EPGN: variants seen among roughly 807,000 people sequenced by gnomAD.
The protein encoded by EPGN is epigen.
In EPGN, 21 loss-of-function variants were observed where a neutral mutation model predicts 20.7. That is an observed-to-expected ratio of 1.01 (90% confidence interval 0.72 to 1.46). EPGN has a LOEUF of 1.46. EPGN is among the 40% of genes most tolerant of loss of function. The probability of loss-of-function intolerance (pLI) is 0.00; values close to 1 mark genes in which losing one functional copy is unlikely to be tolerated. For missense variants in EPGN, 199 were observed against 180.7 expected (o/e 1.10, Z -0.58); for synonymous variants, 69 against 63.8 (o/e 1.08, Z -0.39).
chr4:74,313,856 C>T (rs1173847842), intron 4 of EPGN, among the ~76,000 whole-genome samples: 1 of 152,152 alleles, frequency 6.6e-6, no homozygotes, highest in Non-Finnish European at 1.5e-5. Flanking sequence ...AATAAGTTGT[C>T]ATTTCTAAAT....
Position 74,313,006 on chromosome 4 carries a change from C to T in EPGN, c.255-12C>T. The T allele has an allele frequency of 8.3e-6, 13 of 1,566,528 alleles. No homozygotes were observed. The highest frequency in any genetic ancestry group is 2.3e-5 in the East Asian group (1 of 43,310). ...TAGGTTTTAAAATTAAACTTTTTTT[C>T]TTTTTTTAAAGGTGTTTTACTGGTT... is the stretch of plus-strand genomic sequence containing the variant. On this transcript the variant is annotated splice_polypyrimidine_tract_variant and intron_variant, in intron 3 of 4. Coordinates refer to ENST00000413830, the MANE Select transcript of EPGN (RefSeq NM_001270989.2).
At position 74,313,014 on chromosome 4, in the gene EPGN, A is replaced by T; in HGVS notation, c.255-4A>T. On this transcript the variant is annotated splice_polypyrimidine_tract_variant and splice_region_variant and intron_variant, in intron 3 of 4. Transcript: ENST00000413830. ...AAAATTAAACTTTTTTTCTTTTTTT[A>T]AAGGTGTTTTACTGGTTATACTGGA... The T allele has an allele frequency of 6.3e-7, 1 of 1,576,956 alleles. No homozygotes were observed.
intron 3 of EPGN, 24 bp from the exon 4 acceptor site, chr4:74,312,994 T>G: frequency 6.4e-7 from 1 of 1,562,796 alleles, no homozygotes; most frequent in Non-Finnish European, 8.6e-7. Context: ...GTTTTAAAAT[T>G]AAACTTTTTT....
At chr4:74,308,678 C>A in intron 1 of EPGN, 102 bp downstream of exon 1, 1 of 934,850 alleles carries the variant, frequency 1.1e-6, no homozygotes, top group South Asian at 1.8e-5. Flanking sequence ...AACAGTTGTT[C>A]TTTATGACAA....
chr4:74,314,374 C>A, intron 4 of EPGN: 1 of 600,870 alleles, frequency 1.7e-6, no homozygotes, highest in Admixed American at 2.9e-5. Flanking sequence ...TGGCAGGGCA[C>A]TCAGTTGGCT....
chr4:74,311,849 T>C (rs1015835727), intron 2 of EPGN, among the ~76,000 whole-genome samples: 4 of 152,210 alleles, frequency 2.6e-5, no homozygotes, highest in Non-Finnish European at 5.9e-5. Flanking sequence ...GACACAAGTC[T>C]GGGAAGCATC....
rs961879695 is a variant in EPGN at position 74,311,859 on chromosome 4, C to T, written c.134-326C>T. Reference sequence around the variant, plus strand: ...ATTCAGACACAAGTCTGGGAAGCATCGCTCAAAATAACCTGCTAAGACTAG... The same window carrying T: ...ATTCAGACACAAGTCTGGGAAGCATTGCTCAAAATAACCTGCTAAGACTAG... On this transcript the variant is annotated intron_variant, in intron 2 of 4. Transcript: ENST00000413830. Among the ~76,000 whole-genome samples, 10 of 152,190 alleles carry T rather than the reference C, an allele frequency of 6.6e-5. No homozygotes were observed. The East Asian group carries it at 9.6e-4, about 15-fold the overall frequency.
In EPGN at chr4:74,316,078, C is replaced by T. The variant is rs536271661; in HGVS notation, c.*1441C>T. On this transcript the variant is annotated 3_prime_UTR_variant, in exon 5 of 5. Coordinates refer to ENST00000413830, the MANE Select transcript of EPGN (RefSeq NM_001270989.2). ...TTCATCTTCTACAAGGCCCTCTTAGCTCTAAAACTTGACAGTGGAATAAGG... is the reference window on the plus strand; with the variant it reads ...TTCATCTTCTACAAGGCCCTCTTAGTTCTAAAACTTGACAGTGGAATAAGG... Among the ~76,000 whole-genome samples the T allele has an allele frequency of 6.6e-6, 1 of 152,156 alleles. No individual in the cohort carries two copies. Among genetic ancestry groups the T allele is most frequent in the African/African-American group, 2.4e-5 (1 of 41,510 alleles).
rs1156996703 is a variant in EPGN, at chr4:74,314,803, CT to C, written c.*169del. On this transcript the variant is annotated 3_prime_UTR_variant, in exon 5 of 5. Transcript: ENST00000413830. ...ATAAAATTCAGCGTTGGCCTTTAGACTTTGCCATCCTTAAGGAGTGATGGAA... is the reference window on the plus strand; with the variant it reads ...ATAAAATTCAGCGTTGGCCTTTAGACTTGCCATCCTTAAGGAGTGATGGAA... 5.2e-5 allele frequency: 34 copies of C among 658,252 alleles called. 1 individual carries two copies. The highest frequency in any genetic ancestry group is 2.6e-6 in the Non-Finnish European group (1 of 391,652). 40.8% of individuals were successfully genotyped at this position (658,252 alleles called of 1,614,324 possible).
At chr4:74,313,482 G>A (rs1751102263) in intron 4 of EPGN, 1 of 1,211,054 alleles carries the variant, frequency 8.3e-7, no homozygotes, top group East Asian at 3.6e-5. Flanking sequence ...GACTAAGTAT[G>A]TCTTGTTCAA....
rs200784402 is a variant in EPGN at position 74,315,952 on chromosome 4, C to CAA, written c.*1331_*1332dup. 0.015 allele frequency among the ~76,000 whole-genome samples: 1,638 copies of CAA among 111,440 alleles called. 30 individuals carry two copies. The highest frequency in any genetic ancestry group is 0.047 in the African/African-American group (1,551 of 33,292). The allele number at this position is 111,440 out of a possible 152,430, so 73.1% of individuals were successfully genotyped here. Reference sequence around the variant, plus strand: ...GGGTGACAAGAGCGAAACTCCATCTCAAAAAAAAAAAAAAAAATCAGTATC... The same window carrying CAA: ...GGGTGACAAGAGCGAAACTCCATCTCAAAAAAAAAAAAAAAAAAATCAGTATC... On this transcript the variant is annotated 3_prime_UTR_variant, in exon 5 of 5. Coordinates refer to ENST00000413830, the MANE Select transcript of EPGN (RefSeq NM_001270989.2).
rs558933551 is a variant in EPGN at position 74,313,388 on chromosome 4, A to G, written c.407+218A>G. Reference sequence around the variant, plus strand: ...CCTTCAGTTGTAATAGGAGAGTTCAAACGTACAGTCTCCCTTCAACCTATC... The same window carrying G: ...CCTTCAGTTGTAATAGGAGAGTTCAGACGTACAGTCTCCCTTCAACCTATC... On this transcript the variant is annotated intron_variant, in intron 4 of 4. Coordinates refer to ENST00000413830, the MANE Select transcript of EPGN (RefSeq NM_001270989.2). 27 of 1,381,790 alleles carry G rather than the reference A, an allele frequency of 2.0e-5. No individual in the cohort carries two copies. In the Admixed American group the frequency reaches 7.4e-4, roughly 38 times the overall value. The allele number at this position is 1,381,790 out of a possible 1,614,324, so 85.6% of individuals were successfully genotyped here.
intron 3 of EPGN, 144 bp downstream of exon 3, chr4:74,312,449 T>G: frequency 1.2e-6 from 1 of 854,774 alleles, no homozygotes. Flanking sequence ...CTCTACATAT[T>G]TGAATATCTA....
intron 3 of EPGN, 150 bp downstream of exon 3, chr4:74,312,455 A>G (rs1351339879): frequency 2.5e-6 from 2 of 791,970 alleles, no homozygotes; most frequent in Non-Finnish European, 3.7e-6. Context: ...ATATTTGAAT[A>G]TCTAAGGAGT....
At chr4:74,309,367 T>C (rs1369976269) in intron 2 of EPGN, among the ~76,000 whole-genome samples, 185 bp downstream of exon 2, 1 of 152,226 alleles carries the variant, frequency 6.6e-6, no homozygotes, top group Non-Finnish European at 1.5e-5. Context: ...ATTGCCTTTT[T>C]AAAAGGAGGA....
Position 74,314,666 on chromosome 4 carries a change from A to G in EPGN, c.*29A>G. The stretch of plus-strand genomic sequence containing the variant: ...CTTTGTGAAGAATTTTCATCAAGGC[A>G]TCTGTAGAGATCAGTGAGCCCAAAA... On this transcript the variant is annotated 3_prime_UTR_variant, in exon 5 of 5. Coordinates refer to ENST00000413830, the MANE Select transcript of EPGN (RefSeq NM_001270989.2). 1 of 1,530,464 alleles carries G rather than the reference A, an allele frequency of 6.5e-7. No individual in the cohort carries two copies. The highest frequency in any genetic ancestry group is 1.2e-5 in the South Asian group (1 of 83,512). The allele number at this position is 1,530,464 out of a possible 1,614,324, so 94.8% of individuals were successfully genotyped here. A position where few individuals can be genotyped will look rare whatever the true frequency, so the allele number is the denominator to read the frequency against.
intron 3 of EPGN, 93 bp downstream of exon 3, chr4:74,312,398 T>C (rs1490212093): frequency 5.6e-6 from 8 of 1,423,108 alleles, no homozygotes; most frequent in Non-Finnish European, 6.5e-6. Context: ...TTTCTCTCTT[T>C]AGTTTAAAAG....
chr4:74,314,131 GA>G (rs1407962522), intron 4 of EPGN: 1 of 456,890 alleles, frequency 2.2e-6, no homozygotes, highest in Non-Finnish European at 4.4e-6. Flanking sequence ...TATTTTAGGT[GA>G]AACCTGTAAT....
chr4:74,312,520 C>T lies in EPGN; in HGVS notation c.254+215C>T, dbSNP rs561600168. Among the ~76,000 whole-genome samples the T allele has an allele frequency of 2.4e-4, 37 of 152,248 alleles. No homozygotes were observed. The South Asian group carries it at 7.5e-3, about 31-fold the overall frequency. ...ATTAAAAACATGGTTCCCAGATTAG[C>T]AGCATCTCTTGAACCTGGGTGCTTG... is the stretch of plus-strand genomic sequence containing the variant. On this transcript the variant is annotated intron_variant, in intron 3 of 4. Transcript: ENST00000413830.
Sources: allele counts gnomAD v4.1 joint callset (sites outside exome capture counted in the v4.1 genomes callset), GRCh38; gene constraint gnomAD v4.1.1; transcripts MANE v1.5; gene names NCBI Gene and HGNC (gene_info 2026-07-23, HGNC 2026-07-21).